Variants in IL1R2 observed in about 807,000 individuals in gnomAD.
The protein encoded by IL1R2 is interleukin-1 receptor type 2.
Under a neutral mutation model 39.5 loss-of-function variants are expected in IL1R2, and 46 were observed. That is an observed-to-expected ratio of 1.16 (90% CI 0.92 to 1.49). IL1R2 has a LOEUF of 1.49. Ranked by LOEUF, IL1R2 falls within the 40% of genes most tolerant of loss-of-function variation. The pLI is 0.00. For synonymous variants in IL1R2, 207 were observed against 189.6 expected (o/e 1.09, Z -0.75); for missense variants, 537 against 502.0 (o/e 1.07, Z -0.67).
At chr2:102,008,156 C>T (rs541668685) in intron 1 of IL1R2, among the ~76,000 whole-genome samples, 2 of 152,088 alleles carry the variant, frequency 1.3e-5, no homozygotes, top group African/African-American at 4.8e-5. Context: ...GGAGACCTCA[C>T]GAAGAAAGTG....
At chr2:102,015,423 T>G (rs1676933208) in intron 3 of IL1R2, among the ~76,000 whole-genome samples, 1 of 152,184 alleles carries the variant, frequency 6.6e-6, no homozygotes, top group Non-Finnish European at 1.5e-5. Flanking sequence ...GCAATATAGA[T>G]GTTCCTCGAC....
At chr2:102,007,582 C>A (rs532702362) in intron 1 of IL1R2, among the ~76,000 whole-genome samples, 15 of 152,232 alleles carry the variant, frequency 9.9e-5, no homozygotes, top group African/African-American at 3.6e-4. Context: ...GCTTATTTTG[C>A]CAAGATTAAG....
intron 5 of IL1R2, among the ~76,000 whole-genome samples, chr2:102,020,969 G>A (rs1198952313): frequency 6.6e-6 from 1 of 152,168 alleles, no homozygotes; most frequent in Non-Finnish European, 1.5e-5. Flanking sequence ...GCTGTCATCT[G>A]TGTCTCACAA....
chr2:101,999,406 G>A (rs922784696), intron 1 of IL1R2, among the ~76,000 whole-genome samples: 10 of 152,254 alleles, frequency 6.6e-5, no homozygotes, highest in Non-Finnish European at 1.3e-4. Flanking sequence ...AGAGCTGGAA[G>A]TCCAGTTCCC....
intron 3 of IL1R2, among the ~76,000 whole-genome samples, chr2:102,010,947 AT>A (rs1676592689): frequency 6.6e-6 from 1 of 152,214 alleles, no homozygotes; most frequent in African/African-American, 2.4e-5. Flanking sequence ...CGACTCTATG[AT>A]TTTGACGACT....
intron 3 of IL1R2, among the ~76,000 whole-genome samples, chr2:102,014,853 T>C (rs1400779115): frequency 6.6e-6 from 1 of 151,450 alleles, no homozygotes. Flanking sequence ...CTCCATCCAT[T>C]TCCCACAAGT....
At chr2:102,023,164 A>G (rs557513105) in intron 6 of IL1R2, among the ~76,000 whole-genome samples, 5 of 152,238 alleles carry the variant, frequency 3.3e-5, no homozygotes, top group Non-Finnish European at 5.9e-5. Flanking sequence ...AAAACAATTT[A>G]TTTGCTTTTT....
intron 4 of IL1R2, among the ~76,000 whole-genome samples, chr2:102,018,676 T>C (rs1191661141): frequency 6.6e-6 from 1 of 152,124 alleles, no homozygotes; most frequent in East Asian, 1.9e-4. Flanking sequence ...ATATCCCCCC[T>C]TTTTACAGTT....
At position 102,009,785 on chromosome 2, in the gene IL1R2, A is replaced by G; in HGVS notation, c.291A>G (p.Pro97=). Residue 97 remains proline, a synonymous_variant, in exon 3 of 9, where the codon CCA becomes CCG. Coordinates refer to ENST00000332549, the MANE Select transcript of IL1R2 (RefSeq NM_004633.4). ...AGGACGGTGCTCTGTGGCTTCTGCC[A>G]GCCTTGCAGGAGGACTCTGGCACCT... ...WAQDGALWLL[P]ALQEDSGTYV... The G allele has an allele frequency of 6.2e-7, 1 of 1,614,228 alleles. No individual in the cohort carries two copies. The highest frequency in any genetic ancestry group is 1.3e-5 in the African/African-American group (1 of 75,046).
chr2:102,001,322 C>A (rs925303936), intron 1 of IL1R2, among the ~76,000 whole-genome samples: 1 of 152,168 alleles, frequency 6.6e-6, no homozygotes, highest in Non-Finnish European at 1.5e-5. Context: ...TTGGTGGAAC[C>A]ATCTGTATCA....
chr2:102,002,685 T>C (rs1046300811), intron 1 of IL1R2, among the ~76,000 whole-genome samples: 2 of 152,182 alleles, frequency 1.3e-5, no homozygotes, highest in Non-Finnish European at 2.9e-5. Flanking sequence ...TCTAGGTCTG[T>C]GTCTAAGTCT....
chr2:102,015,756 A>C (rs1461680403), intron 3 of IL1R2, 115 bp from the exon 4 acceptor site: 2 of 821,340 alleles, frequency 2.4e-6, no homozygotes, highest in African/African-American at 3.4e-5. Context: ...CATCTGTACT[A>C]ATCCAGAAAA....
rs1559412539 is a variant in IL1R2, at chr2:102,002,463, C to CTGTGTCTG, written c.-61-6049_-61-6048insGTCTGTGT. On this transcript the variant is annotated intron_variant, in intron 1 of 8. Transcript: ENST00000332549. Reference sequence around the variant, plus strand: ...CCTATCTGTGTCTGTGTCTATGTCTCTGTCTGTGTCTGTGTCTGTGTCTGT... The same window carrying CTGTGTCTG: ...CCTATCTGTGTCTGTGTCTATGTCTCTGTGTCTGTGTCTGTGTCTGTGTCTGTGTCTGT... 5.3e-3 allele frequency among the ~76,000 whole-genome samples: 764 copies of CTGTGTCTG among 143,150 alleles called. 8 individuals carry two copies. The highest frequency in any genetic ancestry group is 0.018 in the African/African-American group (709 of 38,500). The allele number at this position is 143,150 out of a possible 152,430, so 93.9% of individuals were successfully genotyped here.
intron 8 of IL1R2, among the ~76,000 whole-genome samples, 153 bp from the exon 9 acceptor site, chr2:102,028,073 T>C (rs1022182918): frequency 1.3e-5 from 2 of 152,246 alleles, no homozygotes; most frequent in Non-Finnish European, 2.9e-5. Context: ...ATCCTCCATG[T>C]TGGTGTGAGG....
Position 102,019,704 on chromosome 2 carries a change from G to T in IL1R2, c.580G>T (p.Val194Leu). The T allele has an allele frequency of 6.2e-7, 1 of 1,613,788 alleles. No individual in the cohort carries two copies. The highest frequency in any genetic ancestry group is 8.5e-7 in the Non-Finnish European group (1 of 1,179,720). ...TGTGAGGGGGACCACTCACTTACTC[G>T]TACACGATGTGGCCCTGGAAGATGC... ...LSVRGTTHLL[V>L]HDVALEDAGY... Residue 194 changes from valine (V) to leucine (L), a missense_variant, in exon 5 of 9, where the codon GTA becomes TTA. Val to Leu is a conservative substitution (Grantham distance 32). Coordinates refer to ENST00000332549, the MANE Select transcript of IL1R2 (RefSeq NM_004633.4).
At chr2:102,013,524 CAAAAAAAAAAAAAAAA>C (rs771727938) in intron 3 of IL1R2, among the ~76,000 whole-genome samples, 3 of 5,688 alleles carry the variant, frequency 5.3e-4, no homozygotes, top group African/African-American at 1.3e-3. Context: ...TCTATCACTG[CAAAAAAAAAAAAAAAA>C]AAAAAAAAAA....
At chr2:102,014,908 T>C (rs910819661) in intron 3 of IL1R2, among the ~76,000 whole-genome samples, 19 of 150,836 alleles carry the variant, frequency 1.3e-4, no homozygotes, top group Admixed American at 1.1e-3. Flanking sequence ...TCTAAGGTCT[T>C]GATAGAATTA....
intron 1 of IL1R2, among the ~76,000 whole-genome samples, chr2:101,994,644 G>A (rs564006393): frequency 2.0e-5 from 3 of 152,330 alleles, no homozygotes; most frequent in Non-Finnish European, 2.9e-5. Flanking sequence ...CTTAGGAGAC[G>A]TGTCCAGGGC....
chr2:101,993,278 C>A (rs1675434228), intron 1 of IL1R2, among the ~76,000 whole-genome samples: 1 of 152,118 alleles, frequency 6.6e-6, no homozygotes, highest in South Asian at 2.1e-4. Flanking sequence ...GGTTCTGAGT[C>A]CAGCTTGCCT....
Sources: allele counts gnomAD v4.1 joint callset (sites outside exome capture counted in the v4.1 genomes callset), GRCh38; gene constraint gnomAD v4.1.1; transcripts MANE v1.5; gene names NCBI Gene and HGNC (gene_info 2026-07-23, HGNC 2026-07-21).